Variants in ZFHX3 observed in about 807,000 individuals in gnomAD.
The protein encoded by ZFHX3 is zinc finger homeobox 3.
In ZFHX3, 42 loss-of-function variants were observed where a neutral mutation model predicts 279.1. That is an observed-to-expected ratio of 0.15 (90% CI 0.12 to 0.19). The LOEUF (loss-of-function observed/expected upper bound fraction) is 0.19. Among genes scored for constraint, ZFHX3 ranks in the 10% least tolerant of loss-of-function variants. The pLI is 1.00. For missense variants in ZFHX3, 4,981 were observed against 4,754.0 expected, an observed-to-expected ratio of 1.05 and a Z score of -1.40; for synonymous variants, 2,293 against 1,957.8, an observed-to-expected ratio of 1.17 and a Z score of -4.52.
rs577725757 is a variant in ZFHX3, at chr16:73,259,136, G to A, written c.-1193-2000C>T. Among the ~76,000 whole-genome samples, 10 of 152,300 alleles carry A rather than the reference G, an allele frequency of 6.6e-5. No individual in the cohort carries two copies. The South Asian group carries it at 8.3e-4, about 13-fold the overall frequency. On this transcript the variant is annotated intron_variant, in intron 4 of 17. Transcript: ENST00000641206. ...GTTTTTCACTGTTACAAGTCACAGC[G>A]CGGGGAACATGACTGTGTATGTGTG...
intron 3 of ZFHX3, among the ~76,000 whole-genome samples, chr16:73,322,417 C>A (rs1364296227): frequency 6.6e-6 from 1 of 152,104 alleles, no homozygotes; most frequent in Non-Finnish European, 1.5e-5. Context: ...ATGGTCCCAT[C>A]AGGTAGAATG....
At chr16:73,467,904 C>G (rs188919570) in intron 2 of ZFHX3, among the ~76,000 whole-genome samples, 1 of 152,278 alleles carries the variant, frequency 6.6e-6, no homozygotes, top group Admixed American at 6.5e-5. Flanking sequence ...AAGAACAATG[C>G]TTGTAAGGAT....
Position 73,055,021 on chromosome 16 carries a change from T to C in ZFHX3, c.-24+3509A>G, listed in dbSNP as rs116188593. Among the ~76,000 whole-genome samples the C allele has an allele frequency of 4.4e-3, 662 of 151,208 alleles. 7 individuals carry two copies. Among genetic ancestry groups the C allele is most frequent in the African/African-American group, 0.015 (626 of 41,230 alleles). Reference sequence around the variant, plus strand: ...GAATTGGAAAGGGGTGAGTGAATTCTGTGTGAAGCCAGCAAAGGGAGAGAA... The same window carrying C: ...GAATTGGAAAGGGGTGAGTGAATTCCGTGTGAAGCCAGCAAAGGGAGAGAA... On this transcript the variant is annotated intron_variant, in intron 1 of 8. Transcript: ENST00000397992.
chr16:73,727,081 C>T (rs1396776244), intron 1 of ZFHX3, among the ~76,000 whole-genome samples: 1 of 152,174 alleles, frequency 6.6e-6, no homozygotes, highest in Non-Finnish European at 1.5e-5. Context: ...GGACTAGGGG[C>T]CTCCACAGGG....
intron 4 of ZFHX3, among the ~76,000 whole-genome samples, chr16:73,311,349 C>G (rs1011471778): frequency 2.0e-4 from 30 of 151,942 alleles, no homozygotes; most frequent in Admixed American, 2.0e-3. Flanking sequence ...AATCCCAGCA[C>G]CTTGGGAGGC....
chr16:72,931,316 T>G (rs1420326025), intron 3 of ZFHX3, among the ~76,000 whole-genome samples: 1 of 151,914 alleles, frequency 6.6e-6, no homozygotes, highest in Admixed American at 6.6e-5. Flanking sequence ...TAAGTTCTCC[T>G]TCTTTCAAAT....
chr16:73,183,213 C>CA (rs1196863288), intron 5 of ZFHX3, among the ~76,000 whole-genome samples: 2 of 151,700 alleles, frequency 1.3e-5, no homozygotes, highest in South Asian at 2.1e-4. Flanking sequence ...TAAAACAAAA[C>CA]AAAAAAAATT....
At chr16:73,651,791 C>T (rs1360854292) in intron 2 of ZFHX3, among the ~76,000 whole-genome samples, 3 of 145,666 alleles carry the variant, frequency 2.1e-5, no homozygotes, top group Non-Finnish European at 4.5e-5. Flanking sequence ...GAAGGCAGAG[C>T]GAGCAGTGAG....
At chr16:73,716,481 C>T (rs2053415426) in intron 1 of ZFHX3, among the ~76,000 whole-genome samples, 1 of 152,124 alleles carries the variant, frequency 6.6e-6, no homozygotes, top group Non-Finnish European at 1.5e-5. Flanking sequence ...CTTGCAACTT[C>T]CAAAGGATTT....
In ZFHX3 at chr16:73,738,541, G is replaced by T. The variant is rs146042232; in HGVS notation, c.-1607-58301C>A. ...TGAGGCCACTCAACACATTGTGTTT[G>T]CTAGTTCTAAGGCTGAATGATGAAG... On this transcript the variant is annotated intron_variant, in intron 1 of 17. Transcript: ENST00000641206. Among the ~76,000 whole-genome samples the T allele has an allele frequency of 7.7e-3, 1,171 of 152,356 alleles. 8 individuals carry two copies. Among genetic ancestry groups the T allele is most frequent in the South Asian group, 0.015 (74 of 4,830 alleles).
intron 3 of ZFHX3, among the ~76,000 whole-genome samples, chr16:72,926,121 C>G (rs989656136): frequency 3.3e-5 from 5 of 152,214 alleles, no homozygotes; most frequent in African/African-American, 1.2e-4. Context: ...CATCTATCAA[C>G]TGAAACCTTT....
intron 3 of ZFHX3, among the ~76,000 whole-genome samples, chr16:73,385,493 T>G (rs150755004): frequency 9.5e-4 from 144 of 152,186 alleles, no homozygotes; most frequent in African/African-American, 3.3e-3. Context: ...TCTCTCCAAC[T>G]GCAACCAGCT....
chr16:73,680,803 G>C lies in ZFHX3; in HGVS notation c.-1607-563C>G, dbSNP rs75027526. 6.7e-3 allele frequency among the ~76,000 whole-genome samples: 1,016 copies of C among 152,282 alleles called. 13 individuals are homozygous for C. The highest frequency in any genetic ancestry group is 0.023 in the African/African-American group (947 of 41,574). On this transcript the variant is annotated intron_variant, in intron 1 of 17. Transcript: ENST00000641206. Reference sequence around the variant, plus strand: ...CTTAAACTATATCTTTTTGGCAAATGATTTGGATTTAATTGTACCTTTGCT... The same window carrying C: ...CTTAAACTATATCTTTTTGGCAAATCATTTGGATTTAATTGTACCTTTGCT...
chr16:73,114,609 G>A (rs1966411570), intron 7 of ZFHX3, among the ~76,000 whole-genome samples: 1 of 152,044 alleles, frequency 6.6e-6, no homozygotes, highest in South Asian at 2.1e-4. Context: ...AGCCCAGGAG[G>A]TCGAGGCTGT....
At chr16:73,129,979 T>A (rs993754314) in intron 7 of ZFHX3, among the ~76,000 whole-genome samples, 10 of 152,120 alleles carry the variant, frequency 6.6e-5, no homozygotes, top group African/African-American at 2.4e-4. Context: ...GCATTGCCAG[T>A]GATTCCACTC....
At chr16:73,862,672 G>T (rs1486560236) in intron 1 of ZFHX3, among the ~76,000 whole-genome samples, 1 of 152,068 alleles carries the variant, frequency 6.6e-6, no homozygotes, top group Admixed American at 6.6e-5. Context: ...AGCTATTTGG[G>T]AGGCTGAGGT....
At chr16:73,135,935 G>A (rs945449522) in intron 6 of ZFHX3, among the ~76,000 whole-genome samples, 2 of 150,984 alleles carry the variant, frequency 1.3e-5, no homozygotes, top group Non-Finnish European at 2.9e-5. Context: ...TCGGCTCACT[G>A]CAACCTCCAC....
At chr16:73,092,760 C>A (rs562424764) in intron 8 of ZFHX3, 19 of 360,388 alleles carry the variant, frequency 5.3e-5, no homozygotes, top group Admixed American at 4.9e-4. Context: ...GTAATAAACA[C>A]TTTGTCTTCA....
At chr16:73,159,677 T>C (rs998052822) in intron 5 of ZFHX3, among the ~76,000 whole-genome samples, 1 of 152,216 alleles carries the variant, frequency 6.6e-6, no homozygotes. Context: ...TTACTAAGTG[T>C]TGGGATACTT....
Sources: gnomAD v4.1 joint callset for allele counts (sites outside exome capture counted in the v4.1 genomes callset) on GRCh38, gnomAD v4.1.1 for gene constraint, MANE v1.5 for transcripts, NCBI Gene and HGNC (gene_info 2026-07-23, HGNC 2026-07-21) for gene names.